The following DOCK1 variants were observed in gnomAD, a reference collection of about 807,000 sequenced individuals.
The protein encoded by DOCK1 is dedicator of cytokinesis protein 1.
DOCK1 carries 138 observed loss-of-function variants against 262.7 expected under a neutral mutation model. That is an observed-to-expected ratio of 0.53 (90% CI 0.46 to 0.61). The LOEUF (loss-of-function observed/expected upper bound fraction) is 0.61. DOCK1 is among the 20% of genes least tolerant of loss of function. The probability of loss-of-function intolerance (pLI) is 0.00; values close to 1 mark genes in which losing one functional copy is unlikely to be tolerated. For missense variants in DOCK1, 1,908 were observed against 2,370.7 expected, an observed-to-expected ratio of 0.80 and a Z score of 4.05; for synonymous variants, 866 against 867.4, an observed-to-expected ratio of 1.00 and a Z score of 0.03.
chr10:126,937,090 T>C (rs1412095494), intron 1 of DOCK1, among the ~76,000 whole-genome samples: 1 of 152,228 alleles, frequency 6.6e-6, no homozygotes, highest in Non-Finnish European at 1.5e-5. Flanking sequence ...CAAATGGCAT[T>C]TGTCATTTTG....
At chr10:127,093,699 C>T (rs905916131) in intron 23 of DOCK1, among the ~76,000 whole-genome samples, 1 of 151,728 alleles carries the variant, frequency 6.6e-6, no homozygotes, top group African/African-American at 2.4e-5. Context: ...GATTTAGGGC[C>T]CACTGTAATT....
chr10:127,248,245 T>G, intron 28 of DOCK1, 136 bp downstream of exon 28: 1 of 802,908 alleles, frequency 1.2e-6, no homozygotes, highest in South Asian at 1.8e-5. Context: ...AAATGCCTCC[T>G]GGGAAGGTCT....
chr10:126,925,744 GT>G, intron 1 of DOCK1, among the ~76,000 whole-genome samples: 1 of 149,950 alleles, frequency 6.7e-6, no homozygotes, highest in East Asian at 1.9e-4. Flanking sequence ...GTGTGTGTGT[GT>G]GTGTGTGTGT....
intron 32 of DOCK1, among the ~76,000 whole-genome samples, chr10:127,356,144 A>G (rs548744036): frequency 2.6e-5 from 4 of 152,338 alleles, no homozygotes; most frequent in Admixed American, 1.3e-4. Flanking sequence ...ACTGGGTCTC[A>G]GCTGTCAAAG....
At position 127,000,189 on chromosome 10, in the gene DOCK1, C is replaced by T. The variant is rs1434541632; in HGVS notation, c.867C>T (p.Asp289=). ...RAVFTDLGSK[D]LKREKISFVC... is the part of the protein sequence containing the mutation. ...ATTTCTAGGACCTCGGAAGCAAAGA[C>T]CTGAAAAGGGAGAAAATCAGTTTTG... is the stretch of plus-strand genomic sequence containing the variant. The change falls in exon 10 of 52, where the codon GAC becomes GAT. Residue 289 remains aspartate (D), a synonymous_variant. Transcript: ENST00000623213. The T allele has an allele frequency of 1.9e-6, 3 of 1,613,894 alleles. No individual in the cohort carries two copies. The highest frequency in any genetic ancestry group is 2.5e-6 in the Non-Finnish European group (3 of 1,179,846).
At chr10:126,984,535 G>GTT (rs1185507800) in intron 4 of DOCK1, among the ~76,000 whole-genome samples, 3 of 141,746 alleles carry the variant, frequency 2.1e-5, no homozygotes, top group Non-Finnish European at 3.1e-5. Flanking sequence ...GTGTGTGTGT[G>GTT]TTTTTTTTTT....
intron 44 of DOCK1, among the ~76,000 whole-genome samples, chr10:127,415,951 T>C (rs1262822320): frequency 1.3e-5 from 2 of 152,228 alleles, no homozygotes; most frequent in Admixed American, 1.3e-4. Flanking sequence ...TGCCTTTTGT[T>C]TTCACCTGGC....
intron 38 of DOCK1, among the ~76,000 whole-genome samples, chr10:127,388,693 C>T (rs940163191): frequency 9.2e-5 from 14 of 152,278 alleles, no homozygotes; most frequent in Non-Finnish European, 1.9e-4. Flanking sequence ...GGAACACAGC[C>T]GGAGAGGACA....
intron 16 of DOCK1, among the ~76,000 whole-genome samples, chr10:127,029,376 C>T (rs2043092048): frequency 6.6e-6 from 1 of 152,234 alleles, no homozygotes; most frequent in Admixed American, 6.5e-5. Context: ...GCAAAGGGAA[C>T]AAGTGATGGG....
intron 29 of DOCK1, among the ~76,000 whole-genome samples, chr10:127,323,831 A>G (rs1264981231): frequency 6.6e-6 from 1 of 152,144 alleles, no homozygotes; most frequent in African/African-American, 2.4e-5. Flanking sequence ...CTTCTCCTTC[A>G]TGGGAAGAAC....
At chr10:127,097,802 C>T (rs918515196) in intron 23 of DOCK1, among the ~76,000 whole-genome samples, 2 of 152,172 alleles carry the variant, frequency 1.3e-5, no homozygotes, top group African/African-American at 4.8e-5. Flanking sequence ...AATGAACAGG[C>T]GAAGAGTAAA....
At chr10:127,427,326 G>T (rs1196106455) in intron 47 of DOCK1, among the ~76,000 whole-genome samples, 3 of 152,148 alleles carry the variant, frequency 2.0e-5, no homozygotes, top group Admixed American at 6.5e-5. Context: ...TGCCATTTTG[G>T]TTTTTTTCTG....
chr10:127,227,788 CCTT>C (rs1286080665), intron 27 of DOCK1, among the ~76,000 whole-genome samples: 2 of 152,202 alleles, frequency 1.3e-5, no homozygotes, highest in African/African-American at 2.4e-5. Flanking sequence ...CAAAATGAAA[CCTT>C]CTTTGACTTT....
chr10:127,141,889 G>A (rs1159662953), intron 27 of DOCK1, among the ~76,000 whole-genome samples: 6 of 152,188 alleles, frequency 3.9e-5, no homozygotes, highest in South Asian at 2.1e-4. Flanking sequence ...AGAACTTATC[G>A]AAGATCCTGA....
At chr10:127,140,512 G>A (rs1291997821) in intron 27 of DOCK1, among the ~76,000 whole-genome samples, 2 of 152,164 alleles carry the variant, frequency 1.3e-5, no homozygotes, top group Non-Finnish European at 2.9e-5. Flanking sequence ...GATGACGCCC[G>A]TGCACCAGCC....
intron 28 of DOCK1, among the ~76,000 whole-genome samples, chr10:127,251,679 A>G (rs1010815617): frequency 3.3e-5 from 5 of 149,962 alleles, no homozygotes; most frequent in African/African-American, 4.9e-5. Context: ...ATGATTTCCA[A>G]TTTCATCCAT....
intron 47 of DOCK1, among the ~76,000 whole-genome samples, chr10:127,426,552 G>A (rs545246899): frequency 6.0e-4 from 91 of 152,324 alleles, no homozygotes; most frequent in Non-Finnish European, 1.0e-3. Context: ...TCTAGACCAA[G>A]GAAGATAAGC....
chr10:127,254,956 G>T (rs2059779016), intron 28 of DOCK1, among the ~76,000 whole-genome samples: 1 of 152,206 alleles, frequency 6.6e-6, no homozygotes, highest in Admixed American at 6.5e-5. Context: ...GGCAGTCCAG[G>T]TGCGAGAGGA....
intron 27 of DOCK1, among the ~76,000 whole-genome samples, chr10:127,199,536 A>G (rs1329249691): frequency 6.6e-6 from 1 of 152,202 alleles, no homozygotes; most frequent in Non-Finnish European, 1.5e-5. Flanking sequence ...CTGCTGATGC[A>G]TGCTTTGGCA....
Sources: gnomAD v4.1 joint callset for allele counts (sites outside exome capture counted in the v4.1 genomes callset) on GRCh38, gnomAD v4.1.1 for gene constraint, MANE v1.5 for transcripts, NCBI Gene and HGNC (gene_info 2026-07-23, HGNC 2026-07-21) for gene names.